CDH12: variants seen among roughly 807,000 people sequenced by gnomAD.
CDH12 encodes cadherin 12, also known as cadherin-12.
A neutral mutation model predicts 74.1 loss-of-function variants in CDH12; 41 were observed. The ratio of observed to expected loss-of-function variants is 0.55; its 90% confidence interval spans 0.43 to 0.72. The LOEUF is 0.72. Among genes scored for constraint, CDH12 ranks in the 30% least tolerant of loss-of-function variants. The probability of loss-of-function intolerance (pLI) is 0.00; values close to 1 mark genes in which losing one functional copy is unlikely to be tolerated. For synonymous variants in CDH12, 399 were observed against 355.0 expected, an observed-to-expected ratio of 1.12 and a Z score of -1.39; for missense variants, 945 against 977.2, an observed-to-expected ratio of 0.97 and a Z score of 0.44.
At chr5:22,314,979 A>G (rs1181733614) in intron 3 of CDH12, among the ~76,000 whole-genome samples, 24 of 68,036 alleles carry the variant, frequency 3.5e-4, no homozygotes, top group African/African-American at 4.0e-4. Context: ...TTTGAGATGG[A>G]GTATCCCTCT....
At chr5:22,187,995 T>TA (rs781324663) in intron 4 of CDH12, among the ~76,000 whole-genome samples, 7 of 151,958 alleles carry the variant, frequency 4.6e-5, no homozygotes, top group Non-Finnish European at 1.0e-4. Context: ...TTATGAGTGT[T>TA]ATGCAGATGC....
chr5:22,704,017 A>T (rs1420155099), intron 1 of CDH12, among the ~76,000 whole-genome samples: 1 of 152,148 alleles, frequency 6.6e-6, no homozygotes. Context: ...AAAGGCGGGG[A>T]CATCTAATTG....
intron 1 of CDH12, among the ~76,000 whole-genome samples, chr5:22,736,686 G>A (rs1744747275): frequency 6.6e-6 from 1 of 151,496 alleles, no homozygotes; most frequent in Non-Finnish European, 1.5e-5. Context: ...GGAAAAAACT[G>A]GCAATACAAC....
chr5:22,565,781 A>G (rs1342005743), intron 1 of CDH12, among the ~76,000 whole-genome samples: 1 of 152,186 alleles, frequency 6.6e-6, no homozygotes, highest in Non-Finnish European at 1.5e-5. Flanking sequence ...GTTTGCTGTG[A>G]TCTGTAGTCT....
At chr5:22,834,129 T>G (rs1581046720) in intron 1 of CDH12, among the ~76,000 whole-genome samples, 1 of 152,270 alleles carries the variant, frequency 6.6e-6, no homozygotes, top group Middle Eastern at 3.4e-3. Flanking sequence ...AATTCTTCAT[T>G]CATTAGCTAA....
chr5:22,709,384 A>G (rs1743182592), intron 1 of CDH12, among the ~76,000 whole-genome samples: 1 of 152,188 alleles, frequency 6.6e-6, no homozygotes, highest in South Asian at 2.1e-4. Flanking sequence ...TGGTATGATT[A>G]CAGGGAGCAA....
intron 3 of CDH12, among the ~76,000 whole-genome samples, chr5:22,374,945 T>TAA (rs200607076): frequency 6.6e-6 from 1 of 151,734 alleles, no homozygotes; most frequent in African/African-American, 2.4e-5. Flanking sequence ...TTCACAGAAT[T>TAA]AAAAAAAATC....
At chr5:22,429,254 C>T (rs1423956022) in intron 2 of CDH12, among the ~76,000 whole-genome samples, 1 of 152,026 alleles carries the variant, frequency 6.6e-6, no homozygotes, top group African/African-American at 2.4e-5. Flanking sequence ...ACCTCAGCCT[C>T]CTGAGTAGAT....
At chr5:22,694,609 T>C (rs1276570786) in intron 1 of CDH12, among the ~76,000 whole-genome samples, 1 of 152,148 alleles carries the variant, frequency 6.6e-6, no homozygotes, top group East Asian at 1.9e-4. Context: ...TGTATTTTTT[T>C]ATTTAGTTAA....
chr5:22,440,607 T>G lies in CDH12; in HGVS notation c.-427-35256A>C, dbSNP rs112370090. ...TCAGCAGAACCATCCTTGTTCTGGTTGCTCTAGGGTAGAACTGAATGGATT... is the reference window on the plus strand; with the variant it reads ...TCAGCAGAACCATCCTTGTTCTGGTGGCTCTAGGGTAGAACTGAATGGATT... On this transcript the variant is annotated intron_variant, in intron 2 of 14. Coordinates refer to ENST00000382254, the MANE Select transcript of CDH12 (RefSeq NM_004061.5). Among the ~76,000 whole-genome samples, 962 of 152,236 alleles carry G rather than the reference T, an allele frequency of 6.3e-3. 11 individuals carry two copies. The highest frequency in any genetic ancestry group is 0.022 in the African/African-American group (921 of 41,550).
At chr5:22,271,276 C>T (rs1736388348) in intron 3 of CDH12, among the ~76,000 whole-genome samples, 1 of 152,144 alleles carries the variant, frequency 6.6e-6, no homozygotes, top group Non-Finnish European at 1.5e-5. Context: ...AGTTTATTTG[C>T]TCATCCGTTG....
At chr5:22,680,060 C>A (rs1741413268) in intron 1 of CDH12, among the ~76,000 whole-genome samples, 1 of 152,046 alleles carries the variant, frequency 6.6e-6, no homozygotes, top group African/African-American at 2.4e-5. Context: ...TGAGTGCCAT[C>A]TTGGAAGGAT....
chr5:22,241,348 C>T (rs190835709), intron 3 of CDH12, among the ~76,000 whole-genome samples: 5 of 152,034 alleles, frequency 3.3e-5, no homozygotes, highest in Middle Eastern at 3.4e-3. Flanking sequence ...TATATGACTA[C>T]GTTAAACTTC....
intron 4 of CDH12, among the ~76,000 whole-genome samples, chr5:22,175,192 T>C (rs930184114): frequency 1.3e-5 from 2 of 152,050 alleles, no homozygotes; most frequent in East Asian, 3.9e-4. Flanking sequence ...TTAGGTTTAA[T>C]AGGGTTTCTA....
chr5:22,095,893 G>A (rs1281324964), intron 4 of CDH12, among the ~76,000 whole-genome samples: 3 of 150,768 alleles, frequency 2.0e-5, no homozygotes, highest in Admixed American at 1.3e-4. Context: ...TCTGCACCAC[G>A]ATCCCTTATT....
At chr5:22,520,415 G>A (rs1010470557) in intron 1 of CDH12, among the ~76,000 whole-genome samples, 2 of 151,884 alleles carry the variant, frequency 1.3e-5, no homozygotes, top group African/African-American at 4.8e-5. Flanking sequence ...TTATACATAA[G>A]AACATCCATT....
chr5:22,000,491 G>A (rs578096294), intron 5 of CDH12, among the ~76,000 whole-genome samples: 68 of 152,122 alleles, frequency 4.5e-4, no homozygotes, highest in Non-Finnish European at 9.1e-4. Context: ...ACTTTATCTA[G>A]TTAATTCAAC....
rs572630788 is a variant in CDH12 at position 22,180,486 on chromosome 5, T to C, written c.-187+32012A>G. ...TACTCAATACAAAAATCACAGTTTT[T>C]GATTTTTTTTTGTTTATTTTTTTAT... On this transcript the variant is annotated intron_variant, in intron 4 of 14. Coordinates refer to ENST00000382254, the MANE Select transcript of CDH12 (RefSeq NM_004061.5). Among the ~76,000 whole-genome samples the C allele has an allele frequency of 2.6e-3, 304 of 115,242 alleles. 1 individual carries two copies. Among genetic ancestry groups the C allele is most frequent in the Admixed American group, 8.6e-3 (106 of 12,306 alleles). The allele number at this position is 115,242 out of a possible 152,430, so 75.6% of individuals were successfully genotyped here.
intron 1 of CDH12, among the ~76,000 whole-genome samples, chr5:22,566,245 T>C (rs1173159630): frequency 2.0e-5 from 3 of 151,236 alleles, no homozygotes; most frequent in Admixed American, 6.6e-5. Context: ...TTCTTTCTTT[T>C]TTTTTTTTTT....
Sources: allele counts gnomAD v4.1 joint callset (sites outside exome capture counted in the v4.1 genomes callset), GRCh38; gene constraint gnomAD v4.1.1; transcripts MANE v1.5; gene names NCBI Gene and HGNC (gene_info 2026-07-23, HGNC 2026-07-21).